AFAP1L2: variants seen among roughly 807,000 people sequenced by gnomAD.
AFAP1L2 encodes actin filament-associated protein 1-like 2.
A neutral mutation model predicts 99.3 loss-of-function variants in AFAP1L2; 46 were observed. The ratio of observed to expected loss-of-function variants is 0.46; its 90% CI spans 0.37 to 0.59. The LOEUF (loss-of-function observed/expected upper bound fraction) is 0.59. AFAP1L2 is among the 20% of genes least tolerant of loss of function. The pLI is 0.00. For synonymous variants in AFAP1L2, 397 were observed against 419.1 expected (o/e 0.95, Z 0.64); for missense variants, 959 against 1,034.9 (o/e 0.93, Z 1.01).
At chr10:114,404,542 C>A (rs1316728430), upstream of AFAP1L2, 2 of 1,455,076 alleles carry the variant, frequency 1.4e-6, no homozygotes, top group Non-Finnish European at 1.8e-6. Context: ...CGCGCTGGCC[C>A]CTCCCCGTGA....
the AFAP1L2 span, chr10:114,286,154 G>A: frequency 6.2e-7 from 1 of 1,614,096 alleles, no homozygotes; most frequent in Non-Finnish European, 8.5e-7. Context: ...GGATGTGCCT[G>A]ACCTGGTCTG....
rs1394414172 is a variant in AFAP1L2 at position 114,377,957 on chromosome 10, C to A, written c.16+26483G>T. 6.6e-6 allele frequency among the ~76,000 whole-genome samples: 1 copy of A among 152,184 alleles called. No individual in the cohort carries two copies. Among genetic ancestry groups the A allele is most frequent in the Non-Finnish European group, 1.5e-5 (1 of 68,034 alleles). Reference sequence around the variant, plus strand: ...GTATTATGGTTTTTTTGTGGGTCTTCACTGGTGCCACCCCTACGATAGGCT... The same window carrying A: ...GTATTATGGTTTTTTTGTGGGTCTTAACTGGTGCCACCCCTACGATAGGCT... On this transcript the variant is annotated intron_variant, in intron 1 of 18. Coordinates refer to ENST00000304129, the MANE Select transcript of AFAP1L2 (RefSeq NM_001001936.3). This position sits in a 1 kb window ranked among gnomAD's most constrained non-coding sequence, Gnocchi z 4.0.
At position 114,294,946 on chromosome 10, in the gene AFAP1L2, T is replaced by C. The variant is rs188272940; in HGVS notation, c.*1096A>G. On this transcript the variant is annotated 3_prime_UTR_variant, in exon 19 of 19. Transcript: ENST00000304129. ...AAGACATTTAGTTCTCAGGAACAAG[T>C]GTTAGAGAACTGATACACAACCCTC... The C allele has an allele frequency of 2.0e-6, 2 of 983,384 alleles. No homozygotes were observed. The highest frequency in any genetic ancestry group is 1.2e-4 in the Admixed American group (2 of 16,004). The allele number at this position is 983,384 out of a possible 1,614,324, so 60.9% of individuals were successfully genotyped here. A position where few individuals can be genotyped will look rare whatever the true frequency, so the allele number is the denominator to read the frequency against.
At chr10:114,286,553 C>T in the AFAP1L2 span, 41 of 1,486,018 alleles carry the variant, frequency 2.8e-5, no homozygotes, top group East Asian at 9.3e-5. Context: ...GGTCAGTGGG[C>T]GGGTCCTTCC....
intron 2 of AFAP1L2, among the ~76,000 whole-genome samples, chr10:114,339,304 G>A (rs538641024): frequency 5.3e-4 from 80 of 152,288 alleles, no homozygotes; most frequent in African/African-American, 1.8e-3. Flanking sequence ...AAAATTAGCC[G>A]GGCGCAGTGG....
chr10:114,388,521 C>T (rs1205288126), intron 1 of AFAP1L2, among the ~76,000 whole-genome samples: 1 of 152,168 alleles, frequency 6.6e-6, no homozygotes, highest in East Asian at 1.9e-4. Flanking sequence ...CTGAAATGAA[C>T]CTGTTTTAGA....
Position 114,333,241 on chromosome 10 carries a change from T to A in AFAP1L2, c.200A>T (p.Asn67Ile). 6.2e-7 allele frequency: 1 copy of A among 1,613,900 alleles called. No individual in the cohort carries two copies. Residue 67 changes from asparagine (N) to isoleucine (I), a missense_variant, in exon 3 of 19, where the codon AAT becomes ATT. Coordinates refer to ENST00000304129, the MANE Select transcript of AFAP1L2 (RefSeq NM_001001936.3). ...MNKVTINKQQ[N>I]AESQGKAPEE... ...CATACCTTTGCCTTGAGACTCTGCATTCTGTTGCTTGTTGATGGTCACTTT... is the reference window on the plus strand; with the variant it reads ...CATACCTTTGCCTTGAGACTCTGCAATCTGTTGCTTGTTGATGGTCACTTT...
chr10:114,352,083 A>G (rs555265388), intron 1 of AFAP1L2, among the ~76,000 whole-genome samples: 1 of 152,310 alleles, frequency 6.6e-6, no homozygotes, highest in African/African-American at 2.4e-5. Context: ...TAGTTGCTAA[A>G]TAAAACCCTC....
At chr10:114,371,898 T>C (rs535054495) in intron 1 of AFAP1L2, among the ~76,000 whole-genome samples, 1 of 152,056 alleles carries the variant, frequency 6.6e-6, no homozygotes, top group Non-Finnish European at 1.5e-5. Context: ...ATAGCTCATA[T>C]ACCTAGTGAA....
the AFAP1L2 span, chr10:114,285,837 C>T: frequency 3.1e-6 from 4 of 1,282,334 alleles, no homozygotes; most frequent in Non-Finnish European, 4.2e-6. Context: ...CACAGTTTCT[C>T]TGCACCATCT....
rs1235881333 is a variant in AFAP1L2, at chr10:114,315,714, C to T, written c.458G>A (p.Gly153Asp). The change falls in exon 6 of 19, where the codon GGC (glycine) becomes GAC (aspartate). Residue 153 changes from glycine to aspartate, a missense_variant. By Grantham distance (94) the Gly-to-Asp change is moderately conservative. This residue lies in a region of AFAP1L2 where 383 missense variants were observed against 472.8 expected (regional missense o/e 0.81). Coordinates refer to ENST00000304129, the MANE Select transcript of AFAP1L2 (RefSeq NM_001001936.3). ...SSYESYDEED[G>D]SKGKSAPYQW... ...GTAAGGGGCCGACTTGCCCTTGCTG[C>T]CGTCCTCTTCATCGTAGGACTCGTA... is the stretch of plus-strand genomic sequence containing the variant. 4 of 1,613,604 alleles carry T rather than the reference C, an allele frequency of 2.5e-6. No individual in the cohort carries two copies. The highest frequency in any genetic ancestry group is 3.4e-6 in the Non-Finnish European group (4 of 1,179,984).
chr10:114,403,310 A>C (rs2058395858), intron 1 of AFAP1L2, among the ~76,000 whole-genome samples: 1 of 152,172 alleles, frequency 6.6e-6, no homozygotes, highest in Non-Finnish European at 1.5e-5. Flanking sequence ...CCCAGATGAG[A>C]AAAAGCAATG....
intron 1 of AFAP1L2, among the ~76,000 whole-genome samples, 171 bp downstream of exon 1, chr10:114,404,269 C>G (rs926750117): frequency 6.6e-6 from 1 of 152,204 alleles, no homozygotes; most frequent in Non-Finnish European, 1.5e-5. Flanking sequence ...GGAGCCCACC[C>G]GCCCAGTCCG....
chr10:114,325,922 A>G (rs2046204315), intron 4 of AFAP1L2: 3 of 1,289,214 alleles, frequency 2.3e-6, no homozygotes, highest in Non-Finnish European at 2.0e-6. Context: ...CCCAGGGCTC[A>G]TCAGCCTGAT....
In AFAP1L2 at chr10:114,300,243, T is replaced by C. The variant is rs759962021; in HGVS notation, c.1908A>G (p.Pro636=). The C allele has an allele frequency of 6.2e-7, 1 of 1,613,932 alleles. No homozygotes were observed. Among genetic ancestry groups the C allele is most frequent in the African/African-American group, 1.3e-5 (1 of 74,876 alleles). Residue 636 remains proline (P), a synonymous_variant, in exon 15 of 19, where the codon CCA becomes CCG. Transcript: ENST00000304129. ...CCTTCACAGGTGGGCTGGCACCAGG[T>C]GGGGTGGCCACCACGGCATCCGGGC... ...PSCPDAVVAT[P]PGASPPVKDR... is the part of the protein sequence containing the mutation.
chr10:114,389,571 T>C (rs2056896612), intron 1 of AFAP1L2, among the ~76,000 whole-genome samples: 1 of 152,214 alleles, frequency 6.6e-6, no homozygotes, highest in Non-Finnish European at 1.5e-5. Flanking sequence ...TACTTAGTGA[T>C]GTGAACCCAA....
intron 10 of AFAP1L2, among the ~76,000 whole-genome samples, chr10:114,305,809 GC>G (rs1293173279): frequency 7.1e-6 from 1 of 140,106 alleles, no homozygotes; most frequent in African/African-American, 2.7e-5. Context: ...AGGCGTCGGG[GC>G]TGCAGGAGGG....
intron 1 of AFAP1L2, among the ~76,000 whole-genome samples, chr10:114,400,194 A>C (rs2058098153): frequency 6.6e-6 from 1 of 152,184 alleles, no homozygotes; most frequent in Non-Finnish European, 1.5e-5. Flanking sequence ...TTGGAAGAAA[A>C]CTGGCACAGC....
chr10:114,308,587 G>A, intron 8 of AFAP1L2, 70 bp from the exon 9 acceptor site: 1 of 1,372,896 alleles, frequency 7.3e-7, no homozygotes, highest in African/African-American at 1.4e-5. Flanking sequence ...ACAATTGAAG[G>A]GAAAATAATA....
Sources: gnomAD v4.1 joint callset for allele counts (sites outside exome capture counted in the v4.1 genomes callset) on GRCh38, gnomAD v4.1.1 for gene constraint, gnomAD v4.1.1 regional missense constraint, Gnocchi (gnomAD v3.1) non-coding constraint, MANE v1.5 for transcripts, NCBI Gene and HGNC (gene_info 2026-07-23, HGNC 2026-07-21) for gene names.